The following SMARCAD1 variants were observed in gnomAD, a reference collection of about 807,000 sequenced individuals.
SMARCAD1 encodes SWI/SNF-related matrix-associated actin-dependent regulator of chromatin subfamily A containing DEAD/H box 1.
A neutral mutation model predicts 127.1 loss-of-function variants in SMARCAD1; 25 were observed. That is an observed-to-expected ratio of 0.20 (90% confidence interval 0.14 to 0.27). The LOEUF (loss-of-function observed/expected upper bound fraction) is 0.27. SMARCAD1 is among the 10% of genes least tolerant of loss of function. The pLI, the probability that SMARCAD1 is intolerant of heterozygous loss-of-function variation, is 1.00. For synonymous variants in SMARCAD1, 400 were observed against 396.9 expected, an observed-to-expected ratio of 1.01 and a Z score of -0.09; for missense variants, 807 against 1,206.0, an observed-to-expected ratio of 0.67 and a Z score of 4.90.
At chr4:94,222,593 A>G (rs1744314438) in intron 2 of SMARCAD1, among the ~76,000 whole-genome samples, 1 of 152,226 alleles carries the variant, frequency 6.6e-6, no homozygotes, top group African/African-American at 2.4e-5. Flanking sequence ...TGAGTACATA[A>G]TGGGAAGTAA....
chr4:94,286,126 A>G (rs1292841351), intron 23 of SMARCAD1, among the ~76,000 whole-genome samples: 1 of 152,174 alleles, frequency 6.6e-6, no homozygotes, highest in Non-Finnish European at 1.5e-5. Flanking sequence ...TCATTTCCTC[A>G]GAGGGAAATT....
intron 9 of SMARCAD1, chr4:94,253,535 C>G (rs1579214322): frequency 9.0e-7 from 1 of 1,112,564 alleles, no homozygotes. Context: ...AGCTCAGTCT[C>G]TAACATGTTT....
chr4:94,281,719 AAAATAAG>A (rs1281367525), intron 21 of SMARCAD1, 129 bp downstream of exon 21: 1 of 697,356 alleles, frequency 1.4e-6, no homozygotes, highest in Non-Finnish European at 2.5e-6. Context: ...TCATTACCTT[AAAATAAG>A]AGTAATTTCA....
chr4:94,212,518 GCT>G (rs1742443079), intron 2 of SMARCAD1, among the ~76,000 whole-genome samples: 1 of 146,794 alleles, frequency 6.8e-6, no homozygotes, highest in East Asian at 2.1e-4. Context: ...ATGGAGTCTT[GCT>G]CTGTTACCTA....
At chr4:94,215,443 A>T (rs1743017936) in intron 2 of SMARCAD1, among the ~76,000 whole-genome samples, 1 of 152,072 alleles carries the variant, frequency 6.6e-6, no homozygotes, top group Non-Finnish European at 1.5e-5. Context: ...CAATGTAGTG[A>T]GACCCTGTCT....
At chr4:94,284,873 ATTC>A in intron 22 of SMARCAD1, 84 bp from the exon 23 acceptor site, 2 of 832,360 alleles carry the variant, frequency 2.4e-6, no homozygotes, top group Non-Finnish European at 3.9e-6. Context: ...TTTTCAAAGT[ATTC>A]TTTTTGAACT....
At position 94,252,785 on chromosome 4, in the gene SMARCAD1, A is replaced by G; in HGVS notation, c.1059A>G (p.Arg353=). 4 of 1,613,584 alleles carry G rather than the reference A, an allele frequency of 2.5e-6. No homozygotes were observed. Among genetic ancestry groups the G allele is most frequent in the Non-Finnish European group, 3.4e-6 (4 of 1,179,904 alleles). The change falls in exon 9 of 24, where the codon AGA becomes AGG. Residue 353 remains arginine, a synonymous_variant. Coordinates refer to ENST00000354268, the MANE Select transcript of SMARCAD1 (RefSeq NM_020159.5). ...AAAAAAATGTTTTTAATCCAAAGAGAGTTGTTGAAGACTCTGAATATGATT... is the reference window on the plus strand; with the variant it reads ...AAAAAAATGTTTTTAATCCAAAGAGGGTTGTTGAAGACTCTGAATATGATT... The part of the protein sequence containing the change: ...KRKKNVFNPK[R]VVEDSEYDSG...
chr4:94,225,600 C>T (rs1012782959), intron 2 of SMARCAD1, among the ~76,000 whole-genome samples: 4 of 152,130 alleles, frequency 2.6e-5, no homozygotes, highest in African/African-American at 9.7e-5. Context: ...ACAGTTCAGC[C>T]CATACACCAC....
At chr4:94,237,385 A>G (rs1013305107) in intron 5 of SMARCAD1, among the ~76,000 whole-genome samples, 4 of 151,888 alleles carry the variant, frequency 2.6e-5, no homozygotes, top group African/African-American at 9.7e-5. Context: ...ATATTTTTTC[A>G]TGTTTCAGGG....
At chr4:94,284,902 C>A in intron 22 of SMARCAD1, 58 bp from the exon 23 acceptor site, 1 of 1,006,672 alleles carries the variant, frequency 9.9e-7, no homozygotes, top group Non-Finnish European at 1.6e-6. Flanking sequence ...ATATAGTTTA[C>A]ATATATCCAA....
chr4:94,223,048 A>C (rs549408815), intron 2 of SMARCAD1, among the ~76,000 whole-genome samples: 14 of 152,270 alleles, frequency 9.2e-5, no homozygotes, highest in African/African-American at 3.1e-4. Flanking sequence ...AACAAAGAAA[A>C]GGTCAATAAA....
At chr4:94,275,001 A>T (rs1329779502) in intron 14 of SMARCAD1, 36 bp downstream of exon 14, 1 of 1,398,508 alleles carries the variant, frequency 7.2e-7, no homozygotes, top group Admixed American at 1.7e-5. Context: ...ATGGATATTT[A>T]TGCAGCCCCC....
At position 94,289,616 on chromosome 4, in the gene SMARCAD1, G is replaced by A. The variant is rs1395185025; in HGVS notation, c.*82G>A. 8.4e-7 allele frequency: 1 copy of A among 1,183,712 alleles called. No individual in the cohort carries two copies. The highest frequency in any genetic ancestry group is 1.2e-5 in the South Asian group (1 of 82,422). The allele number at this position is 1,183,712 out of a possible 1,614,324, so 73.3% of individuals were successfully genotyped here. ...ACATTTACATTATGATGACCATGGG[G>A]TTTATGAACATTTATAACTTTTTAT... is the stretch of plus-strand genomic sequence containing the variant. On this transcript the variant is annotated 3_prime_UTR_variant, in exon 24 of 24. Transcript: ENST00000354268.
chr4:94,218,493 A>G (rs1199769584), intron 2 of SMARCAD1, among the ~76,000 whole-genome samples: 1 of 151,946 alleles, frequency 6.6e-6, no homozygotes, highest in Non-Finnish European at 1.5e-5. Context: ...GGGTTTCACC[A>G]TGTTGCCCAG....
At chr4:94,280,900 T>TA in intron 20 of SMARCAD1, 120 bp downstream of exon 20, 1 of 955,774 alleles carries the variant, frequency 1.0e-6, no homozygotes, top group Admixed American at 2.2e-5. Context: ...TTCCAGAACT[T>TA]AGTGTTTTGA....
At chr4:94,267,253 A>G (rs990944458) in intron 10 of SMARCAD1, among the ~76,000 whole-genome samples, 1 of 152,152 alleles carries the variant, frequency 6.6e-6, no homozygotes, top group Non-Finnish European at 1.5e-5. Context: ...GTGAACGCAA[A>G]TTAACACTGC....
intron 8 of SMARCAD1, 41 bp from the exon 9 acceptor site, chr4:94,252,571 TTATG>T (rs1335163683): frequency 7.7e-7 from 1 of 1,293,774 alleles, no homozygotes; most frequent in East Asian, 2.5e-5. Context: ...ATCTTTATAT[TTATG>T]TATTTCTAAT....
In SMARCAD1 at chr4:94,278,963, G is replaced by A. The variant is rs752062564; in HGVS notation, c.2331G>A (p.Gln777=). The change falls in exon 19 of 24, where the codon CAG becomes CAA. Residue 777 remains glutamine, a synonymous_variant. Transcript: ENST00000354268. The part of the protein sequence containing the change: ...KNTEMCNVMM[Q]LRKMANHPLL... The stretch of plus-strand genomic sequence containing the variant: ...CAGAAATGTGCAATGTCATGATGCA[G>A]TTGAGGAAAATGGCCAATCATCCTT... The A allele has an allele frequency of 6.8e-6, 11 of 1,613,952 alleles. No individual in the cohort carries two copies. The highest frequency in any genetic ancestry group is 9.3e-6 in the Non-Finnish European group (11 of 1,179,998).
chr4:94,218,413 C>T (rs1296611502), intron 2 of SMARCAD1, among the ~76,000 whole-genome samples: 1 of 152,036 alleles, frequency 6.6e-6, no homozygotes, highest in South Asian at 2.1e-4. Flanking sequence ...CTGACTCAGC[C>T]TCCTGAGTAG....
Sources: allele counts gnomAD v4.1 joint callset (sites outside exome capture counted in the v4.1 genomes callset), GRCh38; gene constraint gnomAD v4.1.1; transcripts MANE v1.5; gene names NCBI Gene and HGNC (gene_info 2026-07-23, HGNC 2026-07-21).